The following SIAE variants were observed in gnomAD, a reference collection of about 807,000 sequenced individuals.
SIAE encodes sialate O-acetylesterase.
A neutral mutation model predicts 52.6 loss-of-function variants in SIAE; 39 were observed. The observed-to-expected ratio is 0.74, with a 90% CI of 0.57 to 0.97. The LOEUF is 0.97. Among genes scored for constraint, SIAE ranks in the 50% least tolerant of loss-of-function variants. The pLI, the probability that SIAE is intolerant of heterozygous loss-of-function variation, is 0.00. For synonymous variants in SIAE, 233 were observed against 241.4 expected, an observed-to-expected ratio of 0.97 and a Z score of 0.32; for missense variants, 592 against 662.1, an observed-to-expected ratio of 0.89 and a Z score of 1.16.
chr11:124,660,855 C>A, intron 2 of SIAE, 52 bp from the exon 3 acceptor site: 1 of 1,599,322 alleles, frequency 6.3e-7, no homozygotes, highest in South Asian at 1.1e-5. Context: ...AAAGTGAAAT[C>A]AAAGCCCAAT....
intron 1 of SIAE, among the ~76,000 whole-genome samples, chr11:124,672,183 G>C (rs1943372404): frequency 6.6e-6 from 1 of 152,216 alleles, no homozygotes; most frequent in Non-Finnish European, 1.5e-5. Flanking sequence ...AAAGTGCTGG[G>C]ATTAAAGGTG....
rs200772908 is a variant in SIAE, at chr11:124,647,511, C to T, written c.833-13G>A. The T allele has an allele frequency of 1.9e-4, 314 of 1,613,920 alleles. 1 individual carries two copies. The highest frequency in any genetic ancestry group is 6.5e-4 in the Admixed American group (39 of 60,018). On this transcript the variant is annotated splice_polypyrimidine_tract_variant and intron_variant, in intron 6 of 9. Coordinates refer to ENST00000263593, the MANE Select transcript of SIAE (RefSeq NM_170601.5). Reference sequence around the variant, plus strand: ...ATATTGGACTCCCCTAAAAACAGTCCAAATTGTAAAGGGAGTTTGGAGTAG... The same window carrying T: ...ATATTGGACTCCCCTAAAAACAGTCTAAATTGTAAAGGGAGTTTGGAGTAG...
intron 1 of SIAE, among the ~76,000 whole-genome samples, chr11:124,672,524 G>T (rs2134398026): frequency 6.6e-6 from 1 of 152,298 alleles, no homozygotes; most frequent in South Asian, 2.1e-4. Context: ...GAGTACTAAT[G>T]AATGAAAAAT....
chr11:124,665,376 T>C (rs746476940), intron 2 of SIAE, among the ~76,000 whole-genome samples: 3 of 152,228 alleles, frequency 2.0e-5, no homozygotes, highest in African/African-American at 7.2e-5. Flanking sequence ...AAAGAAGATA[T>C]AGAGGTCAGA....
rs150328750 is a variant in SIAE at position 124,648,135 on chromosome 11, A to C, written c.763T>G (p.Ser255Ala). ...TGGATCATGGCATTCCAGAGAACAG[A>C]GTGCTTACTGGGACCAGTTACAGAA... ...YDSVTGPSKH[S>A]VLWNAMIHPL... Residue 255 changes from serine to alanine, a missense_variant, in exon 6 of 10, where the codon TCT becomes GCT. Transcript: ENST00000263593. 9 of 1,613,974 alleles carry C rather than the reference A, an allele frequency of 5.6e-6. No individual in the cohort carries two copies. Among genetic ancestry groups the C allele is most frequent in the Non-Finnish European group, 7.6e-6 (9 of 1,179,978 alleles).
At position 124,634,214 on chromosome 11, in the gene SIAE, G is replaced by T. The variant is rs1942671722; in HGVS notation, c.*2737C>A. The T allele has an allele frequency of 6.6e-6, 1 of 152,144 alleles. No individual in the cohort carries two copies. Among genetic ancestry groups the T allele is most frequent in the Admixed American group, 6.5e-5 (1 of 15,268 alleles). The allele number at this position is 152,144 out of a possible 1,614,324, so 9.4% of individuals were successfully genotyped here. A position where few individuals can be genotyped will look rare whatever the true frequency, so the allele number is the denominator to read the frequency against. Reference sequence around the variant, plus strand: ...CCAGGCGTGGTGGCACGCGCCTGTAGTCCCAGCTACTCGGGAGGCTGAGGC... The same window carrying T: ...CCAGGCGTGGTGGCACGCGCCTGTATTCCCAGCTACTCGGGAGGCTGAGGC... On this transcript the variant is annotated 3_prime_UTR_variant, in exon 10 of 10. Coordinates refer to ENST00000263593, the MANE Select transcript of SIAE (RefSeq NM_170601.5).
chr11:124,674,047 G>T (rs569225300), upstream of SIAE: 5 of 291,460 alleles, frequency 1.7e-5, no homozygotes, highest in South Asian at 4.9e-5. Context: ...CAGCCTCGGA[G>T]CCCTGGGCCG....
chr11:124,661,396 A>G (rs888808588), intron 2 of SIAE, among the ~76,000 whole-genome samples: 2 of 152,372 alleles, frequency 1.3e-5, no homozygotes, highest in South Asian at 4.1e-4. Context: ...TGGGAGGCAT[A>G]TAAATTAATC....
intron 2 of SIAE, among the ~76,000 whole-genome samples, chr11:124,662,604 T>A (rs1942662): frequency 0.2 from 31,025 of 152,098 alleles, 8,417 homozygotes; most frequent in African/African-American, 0.62. Flanking sequence ...ACCCAGTAAT[T>A]AAAAGATAAT....
At chr11:124,640,761 T>G (rs1942831324) in intron 7 of SIAE, among the ~76,000 whole-genome samples, 1 of 152,232 alleles carries the variant, frequency 6.6e-6, no homozygotes, top group South Asian at 2.1e-4. Context: ...TGGTTTGCTT[T>G]GACCAATCAA....
At chr11:124,641,698 C>T (rs1408330812) in intron 7 of SIAE, among the ~76,000 whole-genome samples, 1 of 152,142 alleles carries the variant, frequency 6.6e-6, no homozygotes, top group Non-Finnish European at 1.5e-5. Context: ...GTGGCTCACG[C>T]TTATAATCCC....
chr11:124,653,911 G>T (rs753859764), intron 4 of SIAE, among the ~76,000 whole-genome samples: 1 of 152,218 alleles, frequency 6.6e-6, no homozygotes, highest in African/African-American at 2.4e-5. Context: ...GGGTGCAGTG[G>T]CTCACGCCTG....
rs1188586559 is a variant in SIAE, at chr11:124,635,813, A to C, written c.*1138T>G. ...ACACATCACTAGTGATTATGCTTTT[A>C]TTTATTTCCAACTTCTTATAGGTAA... On this transcript the variant is annotated 3_prime_UTR_variant, in exon 10 of 10. Transcript: ENST00000263593. 6.6e-6 allele frequency: 1 copy of C among 152,144 alleles called. No homozygotes were observed. Among genetic ancestry groups the C allele is most frequent in the Non-Finnish European group, 1.5e-5 (1 of 68,012 alleles). 9.4% of individuals were successfully genotyped at this position (152,144 alleles called of 1,614,324 possible).
Position 124,650,908 on chromosome 11 carries a change from T to A in SIAE, c.545-1112A>T, listed in dbSNP as rs188600532. Reference sequence around the variant, plus strand: ...ACAGAAGCCAAAACTAGTGTTTAAATTCTCAGCACAGTCTAATTCATTCAT... The same window carrying A: ...ACAGAAGCCAAAACTAGTGTTTAAAATCTCAGCACAGTCTAATTCATTCAT... On this transcript the variant is annotated intron_variant, in intron 4 of 9. Coordinates refer to ENST00000263593, the MANE Select transcript of SIAE (RefSeq NM_170601.5). 7.1e-3 allele frequency among the ~76,000 whole-genome samples: 1,075 copies of A among 152,336 alleles called. 6 individuals carry two copies. Among genetic ancestry groups the A allele is most frequent in the Non-Finnish European group, 0.011 (717 of 68,024 alleles).
intron 2 of SIAE, among the ~76,000 whole-genome samples, chr11:124,667,440 T>C (rs1943288984): frequency 6.6e-6 from 1 of 152,220 alleles, no homozygotes; most frequent in Non-Finnish European, 1.5e-5. Flanking sequence ...CTTACATCAA[T>C]GCCTGGCATA....
intron 2 of SIAE, among the ~76,000 whole-genome samples, chr11:124,669,006 C>T (rs556464477): frequency 6.6e-6 from 1 of 152,204 alleles, no homozygotes; most frequent in Non-Finnish European, 1.5e-5. Context: ...ATACCATCTT[C>T]TGTGGAAACC....
At chr11:124,658,043 ACGCTGGGAGAGAGCAC>A (rs770013783) in intron 3 of SIAE, among the ~76,000 whole-genome samples, 15 of 152,200 alleles carry the variant, frequency 9.9e-5, no homozygotes. Context: ...AACACCACAG[ACGCTGGGAGAGAGCAC>A]CGCTGCCTCT....
In SIAE at chr11:124,645,549, C is replaced by T. The variant is rs1002680887; in HGVS notation, c.966+1816G>A. ...CTCCCGACCTCAGGTGATCCGCCCACCTCGGCCTCCCAGAGTGCTGGGATT... is the reference window on the plus strand; with the variant it reads ...CTCCCGACCTCAGGTGATCCGCCCATCTCGGCCTCCCAGAGTGCTGGGATT... On this transcript the variant is annotated intron_variant, in intron 7 of 9. Transcript: ENST00000263593. The surrounding 1 kb of genome is among the most constrained non-coding windows in gnomAD (Gnocchi z 4.7). Among the ~76,000 whole-genome samples, 2 of 152,120 alleles carry T rather than the reference C, an allele frequency of 1.3e-5. No homozygotes were observed. Among genetic ancestry groups the T allele is most frequent in the African/African-American group, 2.4e-5 (1 of 41,408 alleles).
intron 4 of SIAE, among the ~76,000 whole-genome samples, chr11:124,652,798 C>A (rs1943036707): frequency 1.3e-5 from 2 of 152,046 alleles, no homozygotes; most frequent in Admixed American, 1.3e-4. Context: ...AATTGCCTCG[C>A]CTCTTTCAGG....
Sources: gnomAD v4.1 joint callset for allele counts (sites outside exome capture counted in the v4.1 genomes callset) on GRCh38, gnomAD v4.1.1 for gene constraint, Gnocchi (gnomAD v3.1) non-coding constraint, MANE v1.5 for transcripts, NCBI Gene and HGNC (gene_info 2026-07-23, HGNC 2026-07-21) for gene names.